Variants in ASAP3 observed in about 807,000 individuals in gnomAD.
The protein encoded by ASAP3 is ArfGAP with SH3 domain, ankyrin repeat and PH domain 3.
In ASAP3, 85 loss-of-function variants were observed where a neutral mutation model predicts 118.2. The observed-to-expected ratio is 0.72, with a 90% CI of 0.60 to 0.86. ASAP3 has a LOEUF of 0.86. ASAP3 is among the 40% of genes least tolerant of loss of function. The pLI, the probability that ASAP3 is intolerant of heterozygous loss-of-function variation, is 0.00. For synonymous variants in ASAP3, 432 were observed against 477.4 expected, an observed-to-expected ratio of 0.90 and a Z score of 1.24; for missense variants, 1,026 against 1,175.0, an observed-to-expected ratio of 0.87 and a Z score of 1.85.
intron 5 of ASAP3, among the ~76,000 whole-genome samples, chr1:23,448,132 T>A (rs1641104317): frequency 6.6e-6 from 1 of 152,174 alleles, no homozygotes; most frequent in South Asian, 2.1e-4. Flanking sequence ...AATGAAATAG[T>A]GGGTGAAAGT....
At chr1:23,450,279 A>G (rs902041427) in intron 5 of ASAP3, among the ~76,000 whole-genome samples, 10 of 152,182 alleles carry the variant, frequency 6.6e-5, no homozygotes, top group African/African-American at 2.4e-4. Context: ...ATTTAAATCC[A>G]AGGATGCTTC....
chr1:23,467,908 C>T (rs1190289665), intron 1 of ASAP3, among the ~76,000 whole-genome samples: 13 of 147,926 alleles, frequency 8.8e-5, no homozygotes, highest in South Asian at 6.5e-4. Flanking sequence ...GCCGAGATCA[C>T]GCCACTGCAC....
At chr1:23,465,432 A>T (rs1290562077) in intron 1 of ASAP3, among the ~76,000 whole-genome samples, 1 of 152,228 alleles carries the variant, frequency 6.6e-6, no homozygotes, top group Non-Finnish European at 1.5e-5. Context: ...TGAAGCTGTC[A>T]GGAGGAGGAA....
intron 5 of ASAP3, among the ~76,000 whole-genome samples, chr1:23,449,401 T>C (rs1371553643): frequency 2.0e-5 from 3 of 152,148 alleles, no homozygotes; most frequent in Non-Finnish European, 2.9e-5. Flanking sequence ...CCGGGATGCC[T>C]TTCTCAGCAG....
chr1:23,471,819 C>A (rs10917384), intron 1 of ASAP3, among the ~76,000 whole-genome samples: 97,811 of 152,134 alleles, frequency 0.64, 36,483 homozygotes, highest in Non-Finnish European at 0.82. Context: ...CAGCAGACAC[C>A]TTCTCTGTAT....
intron 10 of ASAP3, among the ~76,000 whole-genome samples, chr1:23,440,291 G>A (rs1355794466): frequency 2.7e-5 from 4 of 149,614 alleles, no homozygotes; most frequent in Non-Finnish European, 3.0e-5. Context: ...CACAAGGTCA[G>A]AAGATTGAGA....
At chr1:23,458,284 C>G (rs747050573) in intron 1 of ASAP3, among the ~76,000 whole-genome samples, 10 of 152,134 alleles carry the variant, frequency 6.6e-5, no homozygotes, top group Non-Finnish European at 1.3e-4. Context: ...AGTTCAAGAC[C>G]AGCCTAGGCA....
At chr1:23,441,575 A>G in intron 8 of ASAP3, 80 bp downstream of exon 8, 1 of 1,601,372 alleles carries the variant, frequency 6.2e-7, no homozygotes. Flanking sequence ...TGTGGGCAGA[A>G]GCCAGCTCTT....
chr1:23,453,255 T>C (rs1641281344), intron 3 of ASAP3, among the ~76,000 whole-genome samples: 1 of 152,144 alleles, frequency 6.6e-6, no homozygotes, highest in African/African-American at 2.4e-5. Context: ...CCCCTATTAA[T>C]GGTCATAGAA....
chr1:23,481,139 C>G (rs1642292864), intron 1 of ASAP3, among the ~76,000 whole-genome samples: 4 of 152,182 alleles, frequency 2.6e-5, no homozygotes, highest in Admixed American at 2.6e-4. Context: ...ACATCAGTTA[C>G]TCCATCTTAT....
chr1:23,465,437 G>A (rs1641733998), intron 1 of ASAP3, among the ~76,000 whole-genome samples: 2 of 152,196 alleles, frequency 1.3e-5, no homozygotes, highest in African/African-American at 4.8e-5. Flanking sequence ...CTGTCAGGAG[G>A]AGGAACATGT....
chr1:23,455,847 C>T (rs777012587), intron 3 of ASAP3, 34 bp downstream of exon 3: 10 of 1,612,054 alleles, frequency 6.2e-6, no homozygotes, highest in Non-Finnish European at 8.5e-6. Context: ...TAGATTTACC[C>T]TGAGTCTGGG....
rs979247182 is a variant in ASAP3, at chr1:23,452,773, T to C, written c.349-2A>G. Reference sequence around the variant, plus strand: ...GACAATGTTGTTCAAGTTCTGAATCTGGAAAAAACAGAGACGCTCATTCCC... The same window carrying C: ...GACAATGTTGTTCAAGTTCTGAATCCGGAAAAAACAGAGACGCTCATTCCC... On this transcript the variant is annotated splice_acceptor_variant, in intron 3 of 24. Transcript: ENST00000336689. LOFTEE classifies it high-confidence loss of function. The C allele has an allele frequency of 1.2e-6, 2 of 1,613,886 alleles. No homozygotes were observed. Among genetic ancestry groups the C allele is most frequent in the African/African-American group, 1.3e-5 (1 of 75,026 alleles).
chr1:23,446,695 C>T (rs917668992), intron 5 of ASAP3, among the ~76,000 whole-genome samples: 44 of 152,140 alleles, frequency 2.9e-4, no homozygotes, highest in African/African-American at 1.0e-3. Context: ...GCCTCGGCCT[C>T]CCAAAGTGCT....
chr1:23,475,382 C>T (rs1019353467), intron 1 of ASAP3, among the ~76,000 whole-genome samples: 1 of 152,218 alleles, frequency 6.6e-6, no homozygotes, highest in Non-Finnish European at 1.5e-5. Flanking sequence ...TTTCCAACTT[C>T]CCAGAAATTC....
At position 23,435,882 on chromosome 1, in the gene ASAP3, A is replaced by C. The variant is rs1392979876; in HGVS notation, c.1718T>G (p.Phe573Cys). ...ATCAGGCCCTGGCAGCGGCTGTCCAAAGTCCTGCCCATTGGCAAAGGCCTC... is the reference window on the plus strand; with the variant it reads ...ATCAGGCCCTGGCAGCGGCTGTCCACAGTCCTGCCCATTGGCAAAGGCCTC... Reference protein sequence around the residue: ...VLEAFANGQDFGQPLPGPDAQ... With the variant: ...VLEAFANGQDCGQPLPGPDAQ... Residue 573 changes from phenylalanine (F) to cysteine (C), a missense_variant, in exon 17 of 25, where the codon TTT (phenylalanine) becomes TGT (cysteine). By Grantham distance (205) the Phe-to-Cys change is radical. Transcript: ENST00000336689. The C allele has an allele frequency of 3.1e-6, 5 of 1,614,130 alleles. No individual in the cohort carries two copies. The highest frequency in any genetic ancestry group is 2.7e-5 in the African/African-American group (2 of 74,936).
At chr1:23,443,653 C>T (rs1421195734) in intron 5 of ASAP3, among the ~76,000 whole-genome samples, 4 of 151,852 alleles carry the variant, frequency 2.6e-5, no homozygotes, top group Non-Finnish European at 4.4e-5. Context: ...GCCTCAGCCT[C>T]CTGAGTAGCT....
intron 22 of ASAP3, among the ~76,000 whole-genome samples, chr1:23,432,152 G>C (rs571381650): frequency 6.6e-6 from 1 of 151,818 alleles, no homozygotes; most frequent in East Asian, 1.9e-4. Context: ...GATTACAGGT[G>C]CATGCCACCA....
intron 22 of ASAP3, 114 bp downstream of exon 22, chr1:23,432,963 G>C (rs1640491167): frequency 8.4e-7 from 1 of 1,190,082 alleles, no homozygotes; most frequent in Non-Finnish European, 1.2e-6. Context: ...CCCCTTCCTG[G>C]GAGGTCATCA....
Sources: gnomAD v4.1 joint callset for allele counts (sites outside exome capture counted in the v4.1 genomes callset) on GRCh38, gnomAD v4.1.1 for gene constraint, MANE v1.5 for transcripts, NCBI Gene and HGNC (gene_info 2026-07-23, HGNC 2026-07-21) for gene names.